The following MPZL1 variants were observed in gnomAD, a reference collection of about 807,000 sequenced individuals.
MPZL1 encodes myelin protein zero-like protein 1.
In MPZL1, 16 loss-of-function variants were observed where a neutral mutation model predicts 29.3. That is an observed-to-expected ratio of 0.55 (90% CI 0.37 to 0.83). The LOEUF is 0.83. MPZL1 is among the 40% of genes least tolerant of loss of function. MPZL1 has a pLI of 0.00. For missense variants in MPZL1, 279 were observed against 332.9 expected, an observed-to-expected ratio of 0.84 and a Z score of 1.26; for synonymous variants, 143 against 132.0, an observed-to-expected ratio of 1.08 and a Z score of -0.57.
intron 1 of MPZL1, among the ~76,000 whole-genome samples, chr1:167,759,531 C>A (rs78818486): frequency 0.046 from 6,989 of 152,258 alleles, 531 homozygotes; most frequent in African/African-American, 0.16. Context: ...CAGGAGAACA[C>A]TTCTGACAAG....
chr1:167,742,582 G>A (rs895867481), intron 1 of MPZL1, among the ~76,000 whole-genome samples: 7 of 152,126 alleles, frequency 4.6e-5, no homozygotes, highest in African/African-American at 1.7e-4. Context: ...CTCTCACTCT[G>A]TGGGTTGTCT....
intron 1 of MPZL1, among the ~76,000 whole-genome samples, chr1:167,753,150 C>T (rs562708024): frequency 2.0e-5 from 3 of 152,260 alleles, no homozygotes; most frequent in East Asian, 1.9e-4. Context: ...ACCAAAGTCA[C>T]GTTCAGGTGG....
chr1:167,770,723 A>G (rs78959272), intron 2 of MPZL1, among the ~76,000 whole-genome samples: 1,983 of 152,316 alleles, frequency 0.013, 44 homozygotes, highest in African/African-American at 0.045. Context: ...TTACTGGAAG[A>G]ACATTGGCTT....
At chr1:167,746,026 G>T (rs1165658485) in intron 1 of MPZL1, among the ~76,000 whole-genome samples, 1 of 152,016 alleles carries the variant, frequency 6.6e-6, no homozygotes, top group African/African-American at 2.4e-5. Flanking sequence ...TCAATTACAT[G>T]AACTATGACA....
chr1:167,739,789 G>T (rs778265398), intron 1 of MPZL1, among the ~76,000 whole-genome samples: 1 of 151,966 alleles, frequency 6.6e-6, no homozygotes, highest in Non-Finnish European at 1.5e-5. Context: ...ATCTACTTTG[G>T]CTCTCTTTCC....
chr1:167,772,336 T>A lies in MPZL1; in HGVS notation c.320T>A (p.Ile107Asn), dbSNP rs1661270083. 2 of 1,613,804 alleles carry A rather than the reference T, an allele frequency of 1.2e-6. No homozygotes were observed. Among genetic ancestry groups the A allele is most frequent in the Non-Finnish European group, 1.7e-6 (2 of 1,179,836 alleles). Residue 107 changes from isoleucine to asparagine, a missense_variant, in exon 3 of 6, where the codon ATC (isoleucine) becomes AAC (asparagine). Coordinates refer to ENST00000359523, the MANE Select transcript of MPZL1 (RefSeq NM_003953.6). ...AATTATCCACCATTTAAAGACAGAA[T>A]CAGCTGGGCTGGAGACCTTGACAAG... The part of the protein sequence containing the change: ...LGNYPPFKDR[I>N]SWAGDLDKKD...
chr1:167,758,053 C>T (rs1660906368), intron 1 of MPZL1, among the ~76,000 whole-genome samples: 1 of 151,740 alleles, frequency 6.6e-6, no homozygotes, highest in Non-Finnish European at 1.5e-5. Context: ...ATTCAGGAGG[C>T]TGAGGCCAGA....
chr1:167,722,173 G>C lies in MPZL1; in HGVS notation c.22G>C (p.Gly8Arg). Residue 8 changes from glycine to arginine, a missense_variant, in exon 1 of 6, where the codon GGG (glycine) becomes CGG (arginine). Coordinates refer to ENST00000359523, the MANE Select transcript of MPZL1 (RefSeq NM_003953.6). MAASAGAGAVIAAPDSRR... is the reference protein window; with the variant it reads MAASAGARAVIAAPDSRR... ...GACGATGGCAGCGTCCGCCGGAGCC[G>C]GGGCGGTGATTGCAGCCCCAGACAG... The C allele has an allele frequency of 8.1e-7, 1 of 1,237,456 alleles. No individual in the cohort carries two copies. Among genetic ancestry groups the C allele is most frequent in the Non-Finnish European group, 1.0e-6 (1 of 988,522 alleles). 76.7% of individuals were successfully genotyped at this position (1,237,456 alleles called of 1,614,324 possible). A position where few individuals can be genotyped will look rare whatever the true frequency, so the allele number is the denominator to read the frequency against.
At chr1:167,777,288 G>C (rs1293611710) in intron 5 of MPZL1, among the ~76,000 whole-genome samples, 1 of 152,206 alleles carries the variant, frequency 6.6e-6, no homozygotes, top group Non-Finnish European at 1.5e-5. Flanking sequence ...TATGGAAGTT[G>C]CTTTTTTGCT....
chr1:167,772,622 G>A (rs773106316), intron 3 of MPZL1, 134 bp downstream of exon 3: 10 of 739,738 alleles, frequency 1.4e-5, no homozygotes, highest in Non-Finnish European at 2.0e-5. Context: ...CTGTTGCCAC[G>A]AACCTGTGGC....
intron 5 of MPZL1, among the ~76,000 whole-genome samples, chr1:167,782,381 G>A (rs1661515185): frequency 6.6e-6 from 1 of 151,900 alleles, no homozygotes; most frequent in Non-Finnish European, 1.5e-5. Flanking sequence ...TATATTTCTT[G>A]CTAATGGTGG....
At position 167,773,328 on chromosome 1, in the gene MPZL1, G is replaced by A. The variant is rs781152291; in HGVS notation, c.565G>A (p.Val189Ile). The A allele has an allele frequency of 1.2e-6, 2 of 1,614,016 alleles. No homozygotes were observed. Among genetic ancestry groups the A allele is most frequent in the Non-Finnish European group, 1.7e-6 (2 of 1,179,914 alleles). ...TCTGCTCATCAGCATGATTCTGGCTGTCCTCTATAGAAGGAAAAACTCTAA... is the reference window on the plus strand; with the variant it reads ...TCTGCTCATCAGCATGATTCTGGCTATCCTCTATAGAAGGAAAAACTCTAA... ...LTLLISMILA[V>I]LYRRKNSKRD... Residue 189 changes from valine (V) to isoleucine (I), a missense_variant, in exon 4 of 6, where the codon GTC becomes ATC. By Grantham distance (29) the Val-to-Ile change is conservative (BLOSUM62 3). Transcript: ENST00000359523.
chr1:167,778,856 G>A (rs1179461997), intron 5 of MPZL1, among the ~76,000 whole-genome samples: 1 of 151,992 alleles, frequency 6.6e-6, no homozygotes, highest in African/African-American at 2.4e-5. Flanking sequence ...CAATCAACTT[G>A]AAGACATAGC....
intron 5 of MPZL1, among the ~76,000 whole-genome samples, chr1:167,785,405 C>A (rs1204960671): frequency 1.3e-5 from 2 of 152,202 alleles, no homozygotes; most frequent in African/African-American, 2.4e-5. Flanking sequence ...GTGGAAGTGG[C>A]AAGGTCTGTT....
intron 1 of MPZL1, among the ~76,000 whole-genome samples, chr1:167,730,844 A>G (rs114309022): frequency 0.013 from 1,917 of 152,152 alleles, 36 homozygotes; most frequent in African/African-American, 0.042. Flanking sequence ...ATCCAAACCA[A>G]AGTCTCCTCC....
intron 1 of MPZL1, among the ~76,000 whole-genome samples, chr1:167,742,233 C>A (rs12142987): frequency 1.4e-5 from 2 of 143,878 alleles, no homozygotes; most frequent in Non-Finnish European, 3.0e-5. Context: ...GCGGAGGTTG[C>A]AGTGAGCAGA....
chr1:167,744,683 C>CAAA lies in MPZL1; in HGVS notation c.92-20885_92-20883dup, dbSNP rs3075159. 2.1e-3 allele frequency among the ~76,000 whole-genome samples: 266 copies of CAAA among 126,848 alleles called. 3 individuals carry two copies. The highest frequency in any genetic ancestry group is 9.7e-3 in the Middle Eastern group (2 of 206). 83.2% of individuals were successfully genotyped at this position (126,848 alleles called of 152,430 possible). ...TGGGCGAAAGAGCGAAACTCAGTCTCAAAAAAAAAAAAAAAAAGAACCTCC... is the reference window on the plus strand; with the variant it reads ...TGGGCGAAAGAGCGAAACTCAGTCTCAAAAAAAAAAAAAAAAAAAAGAACCTCC... On this transcript the variant is annotated intron_variant, in intron 1 of 5. Coordinates refer to ENST00000359523, the MANE Select transcript of MPZL1 (RefSeq NM_003953.6).
chr1:167,742,816 T>C (rs750186988), intron 1 of MPZL1, among the ~76,000 whole-genome samples: 1 of 152,144 alleles, frequency 6.6e-6, no homozygotes, highest in Non-Finnish European at 1.5e-5. Context: ...TTGTATAAGG[T>C]GAGAGATGAG....
In MPZL1 at chr1:167,790,756, CATT is replaced by C. The variant is rs1190795644; in HGVS notation, c.*2842_*2844del. On this transcript the variant is annotated 3_prime_UTR_variant, in exon 6 of 6. Transcript: ENST00000359523. ...TCAGCTAGGGAAAAACCATCAAGCT[CATT>C]ATTATTTTTTGATCTTCAGTTGTAT... The C allele has an allele frequency of 2.0e-5, 3 of 152,140 alleles. No individual in the cohort carries two copies. Among genetic ancestry groups the C allele is most frequent in the South Asian group, 2.1e-4 (1 of 4,826 alleles). 9.4% of individuals were successfully genotyped at this position (152,140 alleles called of 1,614,324 possible). A position where few individuals can be genotyped will look rare whatever the true frequency, so the allele number is the denominator to read the frequency against.
Sources: gnomAD v4.1 joint callset for allele counts (sites outside exome capture counted in the v4.1 genomes callset) on GRCh38, gnomAD v4.1.1 for gene constraint, MANE v1.5 for transcripts, NCBI Gene and HGNC (gene_info 2026-07-23, HGNC 2026-07-21) for gene names.